Variants in ASIC2 observed in about 807,000 individuals in gnomAD.
ASIC2 encodes acid sensing ion channel subunit 2.
Under a neutral mutation model 57.3 loss-of-function variants are expected in ASIC2, and 25 were observed. That is an observed-to-expected ratio of 0.44 (90% CI 0.32 to 0.61). ASIC2 has a LOEUF of 0.61. Ranked by LOEUF, ASIC2 falls within the 20% of genes least tolerant of loss-of-function variation. ASIC2 has a pLI of 0.06. For missense variants in ASIC2, 641 were observed against 738.1 expected (o/e 0.87, Z 1.52); for synonymous variants, 319 against 307.5 (o/e 1.04, Z -0.39).
chr17:33,211,124 TG>T (rs11315436), intron 1 of ASIC2, among the ~76,000 whole-genome samples: 151,795 of 152,306 alleles, frequency 1, 75,653 homozygotes, highest in Middle Eastern at 1. Flanking sequence ...TAGTGGAAAA[TG>T]GGGACAGTTC....
chr17:33,399,140 T>A (rs1016757202), intron 1 of ASIC2, among the ~76,000 whole-genome samples: 10 of 152,036 alleles, frequency 6.6e-5, no homozygotes, highest in African/African-American at 2.4e-4. Context: ...GAAAGAAATA[T>A]GGGGTTGGAG....
In ASIC2 at chr17:33,178,243, T is replaced by C. The variant is rs962739367; in HGVS notation, c.709-66176A>G. Among the ~76,000 whole-genome samples the C allele has an allele frequency of 3.3e-5, 5 of 152,196 alleles. No individual in the cohort carries two copies. The South Asian group carries it at 1.0e-3, about 32-fold the overall frequency. ...GATGTGTATATAATTCAAAACAACA[T>C]ATTGTACATAATAAATATATATAAC... On this transcript the variant is annotated intron_variant, in intron 1 of 9. Coordinates refer to ENST00000225823, the MANE Select transcript of ASIC2 (RefSeq NM_183377.2).
At chr17:33,604,433 AG>A (rs1414700198) in intron 1 of ASIC2, among the ~76,000 whole-genome samples, 1 of 152,134 alleles carries the variant, frequency 6.6e-6, no homozygotes, top group Non-Finnish European at 1.5e-5. Flanking sequence ...GGTGCTCATG[AG>A]GGTTTCCGCT....
At chr17:33,962,053 C>G (rs781255049) in intron 1 of ASIC2, among the ~76,000 whole-genome samples, 1 of 152,116 alleles carries the variant, frequency 6.6e-6, no homozygotes, top group Non-Finnish European at 1.5e-5. Context: ...TCTAACACTC[C>G]GCACACTTGC....
chr17:33,717,671 AAG>A (rs1169989395), intron 1 of ASIC2, among the ~76,000 whole-genome samples: 12 of 152,188 alleles, frequency 7.9e-5, no homozygotes, highest in African/African-American at 2.9e-4. Flanking sequence ...AACCCCTGCT[AAG>A]AGAGAAGAGC....
intron 1 of ASIC2, among the ~76,000 whole-genome samples, chr17:33,135,448 G>C (rs1178478457): frequency 6.6e-6 from 1 of 152,146 alleles, no homozygotes; most frequent in African/African-American, 2.4e-5. Flanking sequence ...GAATTTATGT[G>C]TCCATCTCTC....
intron 1 of ASIC2, among the ~76,000 whole-genome samples, chr17:33,825,051 T>C (rs550412142): frequency 2.0e-5 from 3 of 152,338 alleles, no homozygotes; most frequent in South Asian, 4.1e-4. Context: ...TCTCTGTATG[T>C]ACACAATACC....
At chr17:33,132,236 G>A (rs1204779223) in intron 1 of ASIC2, among the ~76,000 whole-genome samples, 1 of 152,202 alleles carries the variant, frequency 6.6e-6, no homozygotes, top group Admixed American at 6.5e-5. Flanking sequence ...CTTATGCAAT[G>A]TGAGCCAAAT....
chr17:33,129,540 C>T (rs1311476539), intron 1 of ASIC2, among the ~76,000 whole-genome samples: 5 of 152,202 alleles, frequency 3.3e-5, no homozygotes, highest in Non-Finnish European at 7.3e-5. Context: ...AAGTGTCCAA[C>T]AATAACCTTT....
At chr17:33,462,382 A>G (rs1912667991) in intron 1 of ASIC2, among the ~76,000 whole-genome samples, 1 of 152,186 alleles carries the variant, frequency 6.6e-6, no homozygotes, top group African/African-American at 2.4e-5. Context: ...ATTTTTCACA[A>G]AGGTATTTTG....
At chr17:33,468,730 C>T (rs1045608464) in intron 1 of ASIC2, among the ~76,000 whole-genome samples, 2 of 148,542 alleles carry the variant, frequency 1.3e-5, no homozygotes, top group African/African-American at 2.5e-5. Context: ...TGAAGAAAAA[C>T]TGAGGGTTAA....
intron 1 of ASIC2, among the ~76,000 whole-genome samples, chr17:33,703,370 C>G (rs1473109115): frequency 6.7e-6 from 1 of 150,018 alleles, no homozygotes; most frequent in Non-Finnish European, 1.5e-5. Context: ...GTTGTTGAGA[C>G]AAGGTCTGGC....
chr17:33,289,932 C>T (rs1905352074), intron 1 of ASIC2, among the ~76,000 whole-genome samples: 1 of 152,204 alleles, frequency 6.6e-6, no homozygotes, highest in South Asian at 2.1e-4. Flanking sequence ...AACAAGAGAT[C>T]GCTGCCCTCA....
intron 1 of ASIC2, among the ~76,000 whole-genome samples, chr17:33,178,668 T>A (rs1482082904): frequency 6.6e-6 from 1 of 152,140 alleles, no homozygotes; most frequent in African/African-American, 2.4e-5. Context: ...TCTAGGTGCA[T>A]GAGCTGATAG....
chr17:34,012,422 G>C (rs933622048), intron 1 of ASIC2, among the ~76,000 whole-genome samples: 1 of 152,102 alleles, frequency 6.6e-6, no homozygotes, highest in Non-Finnish European at 1.5e-5. Context: ...ATTTTTACTC[G>C]AACATTTTCA....
intron 1 of ASIC2, among the ~76,000 whole-genome samples, chr17:33,349,045 C>T (rs1000729852): frequency 1.2e-4 from 19 of 152,254 alleles, no homozygotes; most frequent in Admixed American, 1.2e-3. Context: ...TCTGAAAGTG[C>T]TGGGTGACAC....
intron 1 of ASIC2, among the ~76,000 whole-genome samples, chr17:33,480,631 GGGACC>G (rs1321259419): frequency 2.0e-5 from 3 of 152,168 alleles, no homozygotes; most frequent in African/African-American, 7.2e-5. Flanking sequence ...AGGGGAAGGG[GGGACC>G]ATTGACCATC....
chr17:34,076,728 G>A (rs551198323), intron 1 of ASIC2, among the ~76,000 whole-genome samples: 1 of 152,172 alleles, frequency 6.6e-6, no homozygotes, highest in South Asian at 2.1e-4. Context: ...AGAGCCCTAA[G>A]GGCACCAAAA....
At position 33,292,398 on chromosome 17, in the gene ASIC2, T is replaced by A; in HGVS notation, c.-283A>T. The A allele has an allele frequency of 1.2e-5, 12 of 985,240 alleles. No homozygotes were observed. Among genetic ancestry groups the A allele is most frequent in the Non-Finnish European group, 1.4e-5 (12 of 830,158 alleles). 61.0% of individuals were successfully genotyped at this position (985,240 alleles called of 1,614,324 possible). On this transcript the variant is annotated 5_prime_UTR_variant, in exon 1 of 10. Coordinates refer to ENST00000225823, the MANE Select transcript of ASIC2 (RefSeq NM_183377.2). The stretch of plus-strand genomic sequence containing the variant: ...AGGCTTTCCCGGCCCCTGGTCTTCC[T>A]GGAGGATGCCCGGCGCCCGGCACTA...
Sources: gnomAD v4.1 joint callset for allele counts (sites outside exome capture counted in the v4.1 genomes callset) on GRCh38, gnomAD v4.1.1 for gene constraint, MANE v1.5 for transcripts, NCBI Gene and HGNC (gene_info 2026-07-23, HGNC 2026-07-21) for gene names.